Variants in CSNK1G1 observed in about 807,000 individuals in gnomAD.
The protein encoded by CSNK1G1 is casein kinase I isoform gamma-1.
Under a neutral mutation model 59.6 loss-of-function variants are expected in CSNK1G1, and 22 were observed. The observed-to-expected ratio is 0.37, with a 90% confidence interval of 0.26 to 0.53. The LOEUF (loss-of-function observed/expected upper bound fraction) is 0.53. CSNK1G1 is among the 20% of genes least tolerant of loss of function. The pLI, the probability that CSNK1G1 is intolerant of heterozygous loss-of-function variation, is 0.89. For missense variants in CSNK1G1, 384 were observed against 519.5 expected, an observed-to-expected ratio of 0.74 and a Z score of 2.54; for synonymous variants, 179 against 177.1, an observed-to-expected ratio of 1.01 and a Z score of -0.08.
intron 1 of CSNK1G1, among the ~76,000 whole-genome samples, chr15:64,346,758 G>A (rs1025179179): frequency 1.3e-5 from 2 of 151,902 alleles, no homozygotes; most frequent in Admixed American, 6.6e-5. Flanking sequence ...ACACCTGGCT[G>A]GAAATGAGTT....
rs1302229670 is a variant in CSNK1G1 at position 64,233,360 on chromosome 15, TTCTC to T, written c.293-16651_293-16648del. The stretch of plus-strand genomic sequence containing the variant: ...AAGGACAGATTCTCTCTCTCTCTCT[TTCTC>T]TCTTTTTTTTACATTTTCCTTTCCC... On this transcript the variant is annotated intron_variant, in intron 4 of 11. Transcript: ENST00000303052. 8.0e-5 allele frequency among the ~76,000 whole-genome samples: 11 copies of T among 137,944 alleles called. No individual in the cohort carries two copies. In the East Asian group the frequency reaches 1.2e-3, roughly 15 times the overall value. 90.5% of individuals were successfully genotyped at this position (137,944 alleles called of 152,430 possible). A position where few individuals can be genotyped will look rare whatever the true frequency, so the allele number is the denominator to read the frequency against.
intron 4 of CSNK1G1, among the ~76,000 whole-genome samples, chr15:64,218,803 T>G (rs73462583): frequency 0.016 from 2,384 of 152,120 alleles, 67 homozygotes; most frequent in African/African-American, 0.055. Context: ...TTTTTGTTGT[T>G]GTCTTGATTC....
At chr15:64,284,505 G>C (rs1018140663) in intron 2 of CSNK1G1, among the ~76,000 whole-genome samples, 1 of 151,900 alleles carries the variant, frequency 6.6e-6, no homozygotes, top group Non-Finnish European at 1.5e-5. Flanking sequence ...ATACTTTATA[G>C]TTTTCAGAGT....
At position 64,300,202 on chromosome 15, in the gene CSNK1G1, C is replaced by T. The variant is rs1895251405; in HGVS notation, c.181+117G>A. The stretch of plus-strand genomic sequence containing the variant: ...CCCTTCACAAATTATTTCTTAACAA[C>T]AGGTTCTCCTTAAGAAAAATTTCTT... On this transcript the variant is annotated intron_variant, in intron 2 of 11. Transcript: ENST00000303052. 3.3e-6 allele frequency: 3 copies of T among 902,516 alleles called. No homozygotes were observed. In the South Asian group the frequency reaches 4.9e-5, roughly 15 times the overall value. The allele number at this position is 902,516 out of a possible 1,614,324, so 55.9% of individuals were successfully genotyped here. A position where few individuals can be genotyped will look rare whatever the true frequency, so the allele number is the denominator to read the frequency against.
intron 1 of CSNK1G1, among the ~76,000 whole-genome samples, chr15:64,333,623 G>A (rs144044203): frequency 8.7e-4 from 132 of 151,948 alleles, no homozygotes; most frequent in African/African-American, 3.2e-3. Context: ...TCTTAAATGC[G>A]CCACTTAAAA....
At chr15:64,202,305 AC>A (rs956429343) in intron 10 of CSNK1G1, among the ~76,000 whole-genome samples, 4 of 152,078 alleles carry the variant, frequency 2.6e-5, no homozygotes, top group Non-Finnish European at 5.9e-5. Flanking sequence ...GCAAGGAAAA[AC>A]CAGAACTGGC....
At chr15:64,253,470 T>G (rs138613643) in intron 3 of CSNK1G1, among the ~76,000 whole-genome samples, 2 of 152,290 alleles carry the variant, frequency 1.3e-5, no homozygotes, top group African/African-American at 4.8e-5. Context: ...GCACTGCTGA[T>G]GGGAATGCAA....
At chr15:64,322,895 G>A (rs953888083) in intron 1 of CSNK1G1, among the ~76,000 whole-genome samples, 3 of 151,748 alleles carry the variant, frequency 2.0e-5, no homozygotes, top group Admixed American at 1.3e-4. Flanking sequence ...TCATAACATT[G>A]TAAAATGCAC....
At chr15:64,311,373 T>A (rs147372280) in intron 1 of CSNK1G1, among the ~76,000 whole-genome samples, 2 of 152,340 alleles carry the variant, frequency 1.3e-5, no homozygotes, top group African/African-American at 4.8e-5. Flanking sequence ...ATACTACTTC[T>A]ACATAAATGA....
intron 2 of CSNK1G1, among the ~76,000 whole-genome samples, chr15:64,260,990 T>C (rs909261217): frequency 6.6e-6 from 1 of 152,162 alleles, no homozygotes; most frequent in Admixed American, 6.5e-5. Context: ...ATGAATAACT[T>C]CTTTTTTAGG....
chr15:64,255,731 G>C (rs555385842), intron 3 of CSNK1G1, among the ~76,000 whole-genome samples: 1 of 152,194 alleles, frequency 6.6e-6, no homozygotes, highest in South Asian at 2.1e-4. Flanking sequence ...GAATCCACTT[G>C]AAGTTTTCTG....
Position 64,311,527 on chromosome 15 carries a change from C to T in CSNK1G1, c.-224-10804G>A, listed in dbSNP as rs1212507112. ...GTGAAGCCAGGTGTGGTGTCACACACATATATTCCCAGATACTTAGGAGGC... is the reference window on the plus strand; with the variant it reads ...GTGAAGCCAGGTGTGGTGTCACACATATATATTCCCAGATACTTAGGAGGC... On this transcript the variant is annotated intron_variant, in intron 1 of 11. Transcript: ENST00000303052. Among the ~76,000 whole-genome samples, 4 of 152,060 alleles carry T rather than the reference C, an allele frequency of 2.6e-5. No individual in the cohort carries two copies. In the East Asian group the frequency reaches 7.7e-4, roughly 29 times the overall value.
chr15:64,334,709 A>T (rs937373562), intron 1 of CSNK1G1, among the ~76,000 whole-genome samples: 6 of 152,176 alleles, frequency 3.9e-5, no homozygotes, highest in African/African-American at 9.7e-5. Context: ...TTGATCTGAC[A>T]GGAGGTGGCG....
At chr15:64,349,589 C>G (rs1898170938) in intron 1 of CSNK1G1, among the ~76,000 whole-genome samples, 1 of 152,178 alleles carries the variant, frequency 6.6e-6, no homozygotes. Context: ...CAGAACATTC[C>G]TGCTGCAGAC....
chr15:64,267,826 G>C (rs1596188651), intron 2 of CSNK1G1, among the ~76,000 whole-genome samples: 3 of 152,226 alleles, frequency 2.0e-5, no homozygotes, highest in South Asian at 4.1e-4. Flanking sequence ...ATTGAAACCA[G>C]TATGTCAGCC....
chr15:64,204,934 CTT>C lies in CSNK1G1; in HGVS notation c.779_780del (p.Lys260ArgfsTer8). ...PWQGLKADTL[K>X]ERYQKIGDTK... ...GTGTCACCAATTTTTTGATATCTCT[CTT>C]TTAATGTGTCAGCCTGTAGAGAGTA... On this transcript the variant is annotated frameshift_variant, in exon 8 of 12. Coordinates refer to ENST00000303052, the MANE Select transcript of CSNK1G1 (RefSeq NM_022048.5). LOFTEE classifies it high-confidence loss of function. 1 of 1,602,610 alleles carries C rather than the reference CTT, an allele frequency of 6.2e-7. No homozygotes were observed. The highest frequency in any genetic ancestry group is 8.5e-7 in the Non-Finnish European group (1 of 1,169,744).
chr15:64,218,859 T>G (rs946812445), intron 4 of CSNK1G1, among the ~76,000 whole-genome samples: 8 of 150,416 alleles, frequency 5.3e-5, no homozygotes, highest in Non-Finnish European at 1.0e-4. Context: ...AGTGTTTTTT[T>G]TTTTTTTTTT....
chr15:64,342,467 G>C (rs1897729442), intron 1 of CSNK1G1: 1 of 152,172 alleles, frequency 6.6e-6, no homozygotes, highest in African/African-American at 2.4e-5. Flanking sequence ...GATTATGTCT[G>C]CATTTCCTCA....
At chr15:64,319,191 T>C (rs1896431096) in intron 1 of CSNK1G1, among the ~76,000 whole-genome samples, 1 of 152,196 alleles carries the variant, frequency 6.6e-6, no homozygotes, top group Non-Finnish European at 1.5e-5. Context: ...TCCAGAGAAC[T>C]ATTTACTTTG....
Sources: gnomAD v4.1 joint callset for allele counts (sites outside exome capture counted in the v4.1 genomes callset) on GRCh38, gnomAD v4.1.1 for gene constraint, MANE v1.5 for transcripts, NCBI Gene and HGNC (gene_info 2026-07-23, HGNC 2026-07-21) for gene names.